ZDHHC6: variants seen among roughly 807,000 people sequenced by gnomAD.
ZDHHC6 encodes palmitoyltransferase ZDHHC6.
Under a neutral mutation model 57.8 loss-of-function variants are expected in ZDHHC6, and 32 were observed. The observed-to-expected ratio is 0.55, with a 90% CI of 0.42 to 0.74. The LOEUF is 0.74. Ranked by LOEUF, ZDHHC6 falls within the 30% of genes least tolerant of loss-of-function variation. The pLI, the probability that ZDHHC6 is intolerant of heterozygous loss-of-function variation, is 0.00. For missense variants in ZDHHC6, 433 were observed against 500.7 expected (o/e 0.86, Z 1.29); for synonymous variants, 128 against 158.0 (o/e 0.81, Z 1.42).
At chr10:112,434,199 A>G in intron 7 of ZDHHC6, 98 bp downstream of exon 7, 6 of 1,211,302 alleles carry the variant, frequency 5.0e-6, no homozygotes, top group East Asian at 4.9e-5. Context: ...AAACATTCAT[A>G]TTACTTATTT....
At chr10:112,435,091 T>C (rs1255725013) in intron 6 of ZDHHC6, among the ~76,000 whole-genome samples, 2 of 152,348 alleles carry the variant, frequency 1.3e-5, no homozygotes, top group East Asian at 1.9e-4. Flanking sequence ...AACTCATTTA[T>C]ATATGCATTT....
At chr10:112,444,427 G>A (rs1235175274) in intron 2 of ZDHHC6, among the ~76,000 whole-genome samples, 1 of 152,204 alleles carries the variant, frequency 6.6e-6, no homozygotes, top group Non-Finnish European at 1.5e-5. Context: ...AAGTGCGTTT[G>A]TTTCTTGCTT....
At chr10:112,440,371 T>C (rs894846556) in intron 5 of ZDHHC6, among the ~76,000 whole-genome samples, 163 bp downstream of exon 5, 6 of 152,156 alleles carry the variant, frequency 3.9e-5, no homozygotes, top group Non-Finnish European at 7.4e-5. Flanking sequence ...CAAAATTAAA[T>C]CAAAATTATC....
intron 10 of ZDHHC6, among the ~76,000 whole-genome samples, chr10:112,431,970 T>C (rs941048750): frequency 6.6e-6 from 1 of 152,180 alleles, no homozygotes; most frequent in Admixed American, 6.5e-5. Context: ...CCGAAGTATT[T>C]TGGGGACTTC....
chr10:112,438,708 T>C (rs540971055), intron 5 of ZDHHC6, among the ~76,000 whole-genome samples: 2 of 152,278 alleles, frequency 1.3e-5, no homozygotes, highest in East Asian at 1.9e-4. Flanking sequence ...ATATAATCCA[T>C]TTAATCAGTG....
At chr10:112,428,911 T>C (rs1422223856), downstream of ZDHHC6, among the ~76,000 whole-genome samples, 2 of 152,152 alleles carry the variant, frequency 1.3e-5, no homozygotes, top group Non-Finnish European at 2.9e-5. Flanking sequence ...TGCGAACAGG[T>C]TAGTGAAGAA....
chr10:112,426,324 G>A (rs752008798), downstream of ZDHHC6: 5 of 1,614,092 alleles, frequency 3.1e-6, no homozygotes, highest in Admixed American at 8.3e-5. Flanking sequence ...CAAGCTTGGG[G>A]TGAAGGGCTC....
intron 6 of ZDHHC6, among the ~76,000 whole-genome samples, chr10:112,435,589 T>C (rs554415553): frequency 6.6e-6 from 1 of 152,372 alleles, no homozygotes; most frequent in East Asian, 1.9e-4. Context: ...TGGAAAATGT[T>C]GCAATTATTT....
chr10:112,443,986 C>T (rs1589755613), intron 2 of ZDHHC6, among the ~76,000 whole-genome samples: 1 of 152,188 alleles, frequency 6.6e-6, no homozygotes, highest in East Asian at 1.9e-4. Context: ...CCCTCCTTGA[C>T]ATTACCCGTC....
chr10:112,440,776 T>C lies in ZDHHC6; in HGVS notation c.520-81A>G, dbSNP rs996101117. 1.7e-5 allele frequency: 24 copies of C among 1,385,392 alleles called. No individual in the cohort carries two copies. The Middle Eastern group carries it at 1.1e-3, about 66-fold the overall frequency. 85.8% of individuals were successfully genotyped at this position (1,385,392 alleles called of 1,614,324 possible). A position where few individuals can be genotyped will look rare whatever the true frequency, so the allele number is the denominator to read the frequency against. On this transcript the variant is annotated intron_variant, in intron 4 of 10. Coordinates refer to ENST00000369405, the MANE Select transcript of ZDHHC6 (RefSeq NM_022494.3). ...ACTCTACTGTGACACGTAAAACAAC[T>C]TGATCAAAGAGATAACAACGTGGCC...
In ZDHHC6 at chr10:112,438,966, G is replaced by A. The variant is rs552761238; in HGVS notation, c.682-577C>T. The stretch of plus-strand genomic sequence containing the variant: ...TTATTTCTAATATGATTCTAAATTA[G>A]AGGCATTGGGGAAAATTTTTCAAAG... On this transcript the variant is annotated intron_variant, in intron 5 of 10. Coordinates refer to ENST00000369405, the MANE Select transcript of ZDHHC6 (RefSeq NM_022494.3). 1.8e-4 allele frequency among the ~76,000 whole-genome samples: 28 copies of A among 152,208 alleles called. No homozygotes were observed. In the South Asian group the frequency reaches 5.8e-3, roughly 32 times the overall value.
chr10:112,432,348 A>T (rs1056414622), intron 9 of ZDHHC6, 28 bp downstream of exon 9: 1 of 1,608,868 alleles, frequency 6.2e-7, no homozygotes, highest in Non-Finnish European at 8.5e-7. Flanking sequence ...GTCCTTGAAG[A>T]AGAAATGCAG....
At chr10:112,446,360 G>A (rs1392901630) in intron 1 of ZDHHC6, among the ~76,000 whole-genome samples, 3 of 152,066 alleles carry the variant, frequency 2.0e-5, no homozygotes, top group African/African-American at 2.4e-5. Flanking sequence ...AAGATTCGAG[G>A]GAAGAAAGAA....
chr10:112,434,546 T>C, intron 6 of ZDHHC6, 82 bp from the exon 7 acceptor site: 1 of 1,348,912 alleles, frequency 7.4e-7, no homozygotes, highest in African/African-American at 1.5e-5. Flanking sequence ...CACTTATTTC[T>C]CAAGTTTCTA....
chr10:112,438,561 C>A (rs1845769943), intron 5 of ZDHHC6, among the ~76,000 whole-genome samples, 172 bp from the exon 6 acceptor site: 1 of 151,778 alleles, frequency 6.6e-6, no homozygotes, highest in Non-Finnish European at 1.5e-5. Context: ...CTCCAAAGTC[C>A]TTGTTCTTAA....
chr10:112,431,666 A>G (rs1419838665), intron 10 of ZDHHC6, among the ~76,000 whole-genome samples: 1 of 151,064 alleles, frequency 6.6e-6, no homozygotes, highest in Non-Finnish European at 1.5e-5. Flanking sequence ...TTTATGATTA[A>G]CCCCAACTAT....
In ZDHHC6 at chr10:112,443,517, G is replaced by C. The variant is rs1846345335; in HGVS notation, c.357C>G (p.Asn119Lys). Residue 119 changes from asparagine (N) to lysine (K), a missense_variant and splice_region_variant, in exon 3 of 11, where the codon AAC becomes AAG. Physicochemically the swap from Asn to Lys is moderately conservative, Grantham distance 94. Transcript: ENST00000369405. The stretch of plus-strand genomic sequence containing the variant: ...TGAACAGCAAGAAAGACAGGTACCT[G>C]TTACACTTTCTGCAGTGATGTGAAC... ...APRSHHCRKC[N>K]RCVMKMDHHC... 1 of 1,613,642 alleles carries C rather than the reference G, an allele frequency of 6.2e-7. No individual in the cohort carries two copies. The highest frequency in any genetic ancestry group is 1.7e-5 in the Admixed American group (1 of 59,992).
At chr10:112,426,188 A>AT, downstream of ZDHHC6, 1 of 1,227,274 alleles carries the variant, frequency 8.1e-7, no homozygotes, top group Non-Finnish European at 1.2e-6. Context: ...ATTCTGCTTT[A>AT]TTTAACTACT....
intron 6 of ZDHHC6, among the ~76,000 whole-genome samples, chr10:112,437,562 C>T (rs1191002114): frequency 2.6e-5 from 4 of 152,174 alleles, no homozygotes; most frequent in Non-Finnish European, 4.4e-5. Context: ...ATACTTCAAT[C>T]GAAGCAACAT....
Sources: gnomAD v4.1 joint callset for allele counts (sites outside exome capture counted in the v4.1 genomes callset) on GRCh38, gnomAD v4.1.1 for gene constraint, MANE v1.5 for transcripts, NCBI Gene and HGNC (gene_info 2026-07-23, HGNC 2026-07-21) for gene names.